MLLT3: variants seen among roughly 807,000 people sequenced by gnomAD.
MLLT3 encodes the protein protein AF-9.
Under a neutral mutation model 53.2 loss-of-function variants are expected in MLLT3, and 4 were observed. The observed-to-expected ratio is 0.08, with a 90% CI of 0.04 to 0.17. The LOEUF is 0.17. Among genes scored for constraint, MLLT3 ranks in the 10% least tolerant of loss-of-function variants. The pLI, the probability that MLLT3 is intolerant of heterozygous loss-of-function variation, is 1.00. For missense variants in MLLT3, 569 were observed against 684.0 expected (o/e 0.83, Z 1.87); for synonymous variants, 283 against 230.6 (o/e 1.23, Z -2.06).
intron 8 of MLLT3, among the ~76,000 whole-genome samples, chr9:20,359,887 T>G (rs1475783478): frequency 6.6e-6 from 1 of 152,326 alleles, no homozygotes; most frequent in African/African-American, 2.4e-5. Context: ...GTAATGAGAG[T>G]ATCAATTCAA....
chr9:20,476,761 T>C (rs1824531507), intron 2 of MLLT3, among the ~76,000 whole-genome samples: 1 of 152,156 alleles, frequency 6.6e-6, no homozygotes, highest in African/African-American at 2.4e-5. Context: ...AAGTGGAGTA[T>C]TCATCCTAAA....
intron 2 of MLLT3, among the ~76,000 whole-genome samples, chr9:20,579,676 G>A (rs976058253): frequency 6.6e-6 from 1 of 152,326 alleles, no homozygotes; most frequent in Admixed American, 6.5e-5. Context: ...ATGAGGAAAT[G>A]TGGACTTGTG....
intron 10 of MLLT3, among the ~76,000 whole-genome samples, chr9:20,349,160 T>C (rs1033988901): frequency 6.6e-6 from 1 of 152,218 alleles, no homozygotes; most frequent in Non-Finnish European, 1.5e-5. Context: ...ATCTGGCATA[T>C]CAAGTTCTGA....
In MLLT3 at chr9:20,372,041, A is replaced by G. The variant is rs573887987; in HGVS notation, c.1126-6297T>C. Among the ~76,000 whole-genome samples the G allele has an allele frequency of 1.2e-4, 19 of 152,298 alleles. No individual in the cohort carries two copies. In the South Asian group the frequency reaches 3.9e-3, roughly 32 times the overall value. ...AGACTTTAGTGGAGGAAGTCACTGC[A>G]GATGTGGTGGAAACAGCAAGATAAC... On this transcript the variant is annotated intron_variant, in intron 5 of 10. Transcript: ENST00000380338.
chr9:20,432,267 T>A (rs936098051), intron 4 of MLLT3, among the ~76,000 whole-genome samples: 8 of 152,210 alleles, frequency 5.3e-5, no homozygotes, highest in Admixed American at 4.6e-4. Context: ...AGTGAATAAA[T>A]GCTTGAATAA....
intron 2 of MLLT3, among the ~76,000 whole-genome samples, chr9:20,618,015 G>C (rs1024453777): frequency 6.6e-6 from 1 of 152,038 alleles, no homozygotes; most frequent in Non-Finnish European, 1.5e-5. Context: ...TTTCATCTTT[G>C]TGGCTGAGCA....
Position 20,621,801 on chromosome 9 carries a change from G to C in MLLT3, c.12+444C>G. 1.4e-6 allele frequency: 2 copies of C among 1,452,498 alleles called. No individual in the cohort carries two copies. Among genetic ancestry groups the C allele is most frequent in the South Asian group, 1.4e-5 (1 of 72,200 alleles). The allele number at this position is 1,452,498 out of a possible 1,614,324, so 90.0% of individuals were successfully genotyped here. ...CGTAGCGGCCGCGGCGCTTTGCGGA[G>C]GTGCGGCCGCCGAGGCTGCTCGCCG... On this transcript the variant is annotated intron_variant, in intron 1 of 10. Transcript: ENST00000380338. This position sits in a 1 kb window ranked among gnomAD's most constrained non-coding sequence, Gnocchi z 7.0.
At chr9:20,379,432 A>G (rs549628499) in intron 5 of MLLT3, among the ~76,000 whole-genome samples, 23 of 151,856 alleles carry the variant, frequency 1.5e-4, no homozygotes, top group African/African-American at 5.6e-4. Context: ...AACAATTGGA[A>G]TTTAGAATAA....
rs536350387 is a variant in MLLT3 at position 20,456,237 on chromosome 9, C to A, written c.276+467G>T. Among the ~76,000 whole-genome samples the A allele has an allele frequency of 2.0e-5, 3 of 152,130 alleles. No homozygotes were observed. In the South Asian group the frequency reaches 6.2e-4, roughly 32 times the overall value. ...TACAGGTGTGAGCCACCGCGCCAGG[C>A]CTGAAAACTTTTAAATCCAGTAAAA... On this transcript the variant is annotated intron_variant, in intron 3 of 10. Transcript: ENST00000380338.
Position 20,414,310 on chromosome 9 carries a change from C to T in MLLT3, c.536G>A (p.Ser179Asn), listed in dbSNP as rs746105857. The T allele has an allele frequency of 3.7e-6, 6 of 1,603,248 alleles. No individual in the cohort carries two copies. Among genetic ancestry groups the T allele is most frequent in the Non-Finnish European group, 5.1e-6 (6 of 1,174,938 alleles). ...SSSSSSSSSS[S>N]SSSSSSSSSS... ...GCTGCTGCTGCTGCTACTGCTGCTG[C>T]TACTGCTGCTGCTGCTGCTGCTGCT... The change falls in exon 5 of 11, where the codon AGC (serine) becomes AAC (asparagine). Residue 179 changes from serine to asparagine, a missense_variant. Transcript: ENST00000380338.
At chr9:20,510,365 CA>C (rs1339310003) in intron 2 of MLLT3, among the ~76,000 whole-genome samples, 1 of 152,148 alleles carries the variant, frequency 6.6e-6, no homozygotes, top group Admixed American at 6.5e-5. Context: ...GTAATCCCAG[CA>C]CTTTGGGAGG....
chr9:20,343,343 TA>T lies in MLLT3; in HGVS notation c.*3099del, dbSNP rs1403462292. On this transcript the variant is annotated 3_prime_UTR_variant, in exon 11 of 11. Transcript: ENST00000380338. ...ATGTTTAAGACACTCTCTTAAGAGATATTTTTTTCCTGATCTGAAGTTTTTA... is the reference window on the plus strand; with the variant it reads ...ATGTTTAAGACACTCTCTTAAGAGATTTTTTTTCCTGATCTGAAGTTTTTA... The T allele has an allele frequency of 1.9e-5, 4 of 209,774 alleles. No individual in the cohort carries two copies. Among genetic ancestry groups the T allele is most frequent in the Admixed American group, 5.9e-5 (1 of 16,948 alleles). The allele number at this position is 209,774 out of a possible 1,614,324, so 13.0% of individuals were successfully genotyped here.
chr9:20,615,525 A>C (rs909262201), intron 2 of MLLT3, among the ~76,000 whole-genome samples: 1 of 152,088 alleles, frequency 6.6e-6, no homozygotes, highest in African/African-American at 2.4e-5. Flanking sequence ...TGGAAGATTT[A>C]CCTTTTCTCT....
chr9:20,521,484 G>A (rs62547201), intron 2 of MLLT3, among the ~76,000 whole-genome samples: 1 of 143,824 alleles, frequency 7.0e-6, no homozygotes, highest in East Asian at 2.0e-4. Flanking sequence ...GTGTGTGTGT[G>A]TAAATGAGAG....
chr9:20,581,670 T>C (rs1819795909), intron 2 of MLLT3, among the ~76,000 whole-genome samples: 1 of 152,172 alleles, frequency 6.6e-6, no homozygotes, highest in African/African-American at 2.4e-5. Context: ...CATCCACAGT[T>C]GATGAAGCAC....
intron 4 of MLLT3, among the ~76,000 whole-genome samples, chr9:20,427,404 TA>T (rs1232558993): frequency 6.7e-6 from 1 of 149,412 alleles, no homozygotes; most frequent in Non-Finnish European, 1.5e-5. Flanking sequence ...GGAAGATAAA[TA>T]TGAATAAACT....
chr9:20,580,956 A>G (rs1030995578), intron 2 of MLLT3, among the ~76,000 whole-genome samples: 2 of 152,192 alleles, frequency 1.3e-5, no homozygotes, highest in East Asian at 3.8e-4. Context: ...TTATATTCCA[A>G]ACAAGCAATG....
At chr9:20,383,495 C>CCT (rs1312319623) in intron 5 of MLLT3, among the ~76,000 whole-genome samples, 12 of 151,804 alleles carry the variant, frequency 7.9e-5, no homozygotes, top group Non-Finnish European at 1.3e-4. Context: ...TCTCTCCAGG[C>CCT]CTCAGTTCCT....
intron 10 of MLLT3, among the ~76,000 whole-genome samples, chr9:20,349,562 T>A (rs1820959868): frequency 6.6e-6 from 1 of 152,188 alleles, no homozygotes; most frequent in African/African-American, 2.4e-5. Flanking sequence ...CTCATTCTTT[T>A]AAGAAAACAG....
Sources: gnomAD v4.1 joint callset for allele counts (sites outside exome capture counted in the v4.1 genomes callset) on GRCh38, gnomAD v4.1.1 for gene constraint, Gnocchi (gnomAD v3.1) non-coding constraint, MANE v1.5 for transcripts, NCBI Gene and HGNC (gene_info 2026-07-23, HGNC 2026-07-21) for gene names.